Variants in NAV3 observed in about 807,000 individuals in gnomAD.
NAV3 encodes neuron navigator 3.
In NAV3, 87 loss-of-function variants were observed where a neutral mutation model predicts 244.7. That is an observed-to-expected ratio of 0.36 (90% CI 0.30 to 0.42). The LOEUF is 0.42. Among genes scored for constraint, NAV3 ranks in the 20% least tolerant of loss-of-function variants. NAV3 has a pLI of 1.00. For synonymous variants in NAV3, 1,126 were observed against 1,042.2 expected, an observed-to-expected ratio of 1.08 and a Z score of -1.55; for missense variants, 2,663 against 2,893.3, an observed-to-expected ratio of 0.92 and a Z score of 1.83.
chr12:77,816,171 G>T (rs1872520026), intron 2 of NAV3, among the ~76,000 whole-genome samples: 1 of 152,136 alleles, frequency 6.6e-6, no homozygotes, highest in Non-Finnish European at 1.5e-5. Flanking sequence ...TAAGAATGAA[G>T]ACTGTTACAA....
In NAV3 at chr12:78,205,114, A is replaced by G. The variant is rs748819578; in HGVS notation, c.7014A>G (p.Gln2338=). The change falls in exon 39 of 40, where the codon CAA becomes CAG. Residue 2338 remains glutamine (Q), a synonymous_variant. Coordinates refer to ENST00000397909, the MANE Select transcript of NAV3 (RefSeq NM_001024383.2). Reference sequence around the variant, plus strand: ...CCACAACCTCAAAGCACATTCCGCAAACTGACACAGAAGGAGATCCCCTGG... The same window carrying G: ...CCACAACCTCAAAGCACATTCCGCAGACTGACACAGAAGGAGATCCCCTGG... The part of the protein sequence containing the change: ...KEATTSKHIP[Q]TDTEGDPLMN... 8 of 1,613,368 alleles carry G rather than the reference A, an allele frequency of 5.0e-6. No homozygotes were observed. The highest frequency in any genetic ancestry group is 1.3e-5 in the African/African-American group (1 of 74,998).
intron 12 of NAV3, among the ~76,000 whole-genome samples, chr12:78,093,114 G>C (rs967271214): frequency 1.2e-4 from 18 of 152,300 alleles, no homozygotes; most frequent in South Asian, 1.0e-3. Context: ...ATGAATAAAA[G>C]AAGAATGAGT....
At chr12:78,168,892 C>A in intron 24 of NAV3, 26 bp downstream of exon 24, 1 of 1,487,964 alleles carries the variant, frequency 6.7e-7, no homozygotes, top group Non-Finnish European at 9.2e-7. Context: ...ATTTCATTTC[C>A]ACCCAATATA....
chr12:78,169,342 T>C (rs1957908023), intron 24 of NAV3, among the ~76,000 whole-genome samples: 1 of 151,780 alleles, frequency 6.6e-6, no homozygotes, highest in Admixed American at 6.6e-5. Flanking sequence ...ACATTTCCTG[T>C]AGATAATTTT....
intron 34 of NAV3, among the ~76,000 whole-genome samples, chr12:78,194,395 G>A (rs959980557): frequency 6.6e-5 from 10 of 151,524 alleles, no homozygotes; most frequent in Non-Finnish European, 1.2e-4. Flanking sequence ...CTTTTTTTGG[G>A]ATATATTCAT....
chr12:77,656,796 T>G (rs1873129067), intron 2 of NAV3, among the ~76,000 whole-genome samples: 1 of 151,776 alleles, frequency 6.6e-6, no homozygotes, highest in Non-Finnish European at 1.5e-5. Flanking sequence ...AACTCAGGAT[T>G]AAGAAACTCA....
At chr12:77,899,695 A>G (rs887308288) in intron 1 of NAV3, among the ~76,000 whole-genome samples, 1 of 152,158 alleles carries the variant, frequency 6.6e-6, no homozygotes, top group Non-Finnish European at 1.5e-5. Flanking sequence ...AATATCTCCA[A>G]GGTGTTCCTG....
chr12:78,054,025 C>T (rs1883137922), intron 11 of NAV3, among the ~76,000 whole-genome samples: 1 of 152,038 alleles, frequency 6.6e-6, no homozygotes, highest in African/African-American at 2.4e-5. Context: ...GGGACATCTA[C>T]AGTGCAATAT....
chr12:77,942,077 T>G (rs1397826919), intron 3 of NAV3, among the ~76,000 whole-genome samples: 2 of 152,226 alleles, frequency 1.3e-5, no homozygotes, highest in Non-Finnish European at 2.9e-5. Context: ...ATCATGTATA[T>G]TTTTAAAATA....
chr12:77,831,756 C>T, intron 1 of NAV3, 52 bp downstream of exon 1: 2 of 1,530,842 alleles, frequency 1.3e-6, no homozygotes, highest in Non-Finnish European at 1.8e-6. Context: ...GCACATTTCT[C>T]TTTAAGTGCA....
At chr12:77,619,700 A>G (rs1395377014) in intron 2 of NAV3, among the ~76,000 whole-genome samples, 1 of 152,284 alleles carries the variant, frequency 6.6e-6, no homozygotes, top group South Asian at 2.1e-4. Context: ...AGAAAAATGA[A>G]TAAGTAGAGT....
chr12:77,792,781 T>C (rs1318811415), intron 2 of NAV3, among the ~76,000 whole-genome samples: 7 of 152,202 alleles, frequency 4.6e-5, no homozygotes, highest in Admixed American at 3.9e-4. Flanking sequence ...CTTATGGGTG[T>C]TTCCCTTAAA....
chr12:78,169,710 CT>C (rs1414066522), intron 24 of NAV3, among the ~76,000 whole-genome samples: 5 of 151,616 alleles, frequency 3.3e-5, no homozygotes, highest in African/African-American at 1.2e-4. Context: ...AGTGTAGCTC[CT>C]TTTCCCTCCA....
At chr12:77,931,958 G>T (rs1199281768) in intron 1 of NAV3, among the ~76,000 whole-genome samples, 1 of 152,008 alleles carries the variant, frequency 6.6e-6, no homozygotes. Flanking sequence ...AATGTCTTTT[G>T]TGATTCATTA....
chr12:77,960,621 T>TTA (rs1019488024), intron 3 of NAV3, among the ~76,000 whole-genome samples: 1 of 148,330 alleles, frequency 6.7e-6, no homozygotes, highest in African/African-American at 2.5e-5. Context: ...TAATATACTA[T>TTA]TATATATACT....
At chr12:77,872,193 CTTAAA>C in intron 1 of NAV3, among the ~76,000 whole-genome samples, 1 of 151,846 alleles carries the variant, frequency 6.6e-6, no homozygotes, top group Middle Eastern at 3.4e-3. Context: ...TTGAAATTTT[CTTAAA>C]TTAAGAACCA....
At chr12:78,159,137 A>C (rs1374736870) in intron 22 of NAV3, 66 bp from the exon 23 acceptor site, 12 of 1,354,310 alleles carry the variant, frequency 8.9e-6, no homozygotes, top group Middle Eastern at 1.8e-4. Flanking sequence ...TTGTAAAATG[A>C]AGGCTTTTCA....
rs77673792 is a variant in NAV3 at position 77,893,953 on chromosome 12, A to C, written c.244-46366A>C. ...AGCCCAAAGTGTATTCATTTTCAGC[A>C]GAAAATACCAAGGATGACACAGGAC... On this transcript the variant is annotated intron_variant, in intron 1 of 39. Coordinates refer to ENST00000397909, the MANE Select transcript of NAV3 (RefSeq NM_001024383.2). Among the ~76,000 whole-genome samples, 411 of 152,336 alleles carry C rather than the reference A, an allele frequency of 2.7e-3. 6 individuals carry two copies. The East Asian group carries it at 0.044, about 16-fold the overall frequency.
chr12:78,117,801 A>G (rs1269444803), intron 13 of NAV3, among the ~76,000 whole-genome samples: 1 of 152,072 alleles, frequency 6.6e-6, no homozygotes, highest in Admixed American at 6.5e-5. Context: ...GAAAATTTCT[A>G]CCTTTCTGTA....
Sources: allele counts gnomAD v4.1 joint callset (sites outside exome capture counted in the v4.1 genomes callset), GRCh38; gene constraint gnomAD v4.1.1; transcripts MANE v1.5; gene names NCBI Gene and HGNC (gene_info 2026-07-23, HGNC 2026-07-21).